The following MYOT variants were observed in gnomAD, a reference collection of about 807,000 sequenced individuals.
The protein encoded by MYOT is myotilin.
A neutral mutation model predicts 58.0 loss-of-function variants in MYOT; 36 were observed. The ratio of observed to expected loss-of-function variants is 0.62; its 90% CI spans 0.48 to 0.82. MYOT has a LOEUF of 0.82. Among genes scored for constraint, MYOT ranks in the 40% least tolerant of loss-of-function variants. The pLI is 0.00. For synonymous variants in MYOT, 218 were observed against 204.6 expected, an observed-to-expected ratio of 1.07 and a Z score of -0.56; for missense variants, 505 against 592.1, an observed-to-expected ratio of 0.85 and a Z score of 1.53.
intron 4 of MYOT, 166 bp from the exon 5 acceptor site, chr5:137,880,650 T>TACTTTAAGGTACATACTTAAAGG (rs1169023629): frequency 3.3e-6 from 2 of 607,792 alleles, no homozygotes; most frequent in Non-Finnish European, 3.0e-6. Context: ...TGGTAGTATG[T>TACTTTAAGGTACATACTTAAAGG]TAGTGCACTG....
chr5:137,869,672 AG>A (rs1754978756), intron 1 of MYOT, among the ~76,000 whole-genome samples: 1 of 152,184 alleles, frequency 6.6e-6, no homozygotes, highest in African/African-American at 2.4e-5. Context: ...GGCAAAAAAA[AG>A]AAAAAAAAGA....
rs1755501629 is a variant in MYOT at position 137,883,442 on chromosome 5, C to G, written c.875C>G (p.Ser292Ter). The G allele has an allele frequency of 1.9e-6, 3 of 1,614,046 alleles. No individual in the cohort carries two copies. Among genetic ancestry groups the G allele is most frequent in the Admixed American group, 3.3e-5 (2 of 60,004 alleles). ...TATCTAAATGGAAGAACAGTTCAAT[C>G]AGATGATTTGCACAAAATGATAGTG... ...SWYLNGRTVQ[S>*]DDLHKMIVSE... The change falls in exon 7 of 10, where the codon TCA (serine) becomes TGA (stop). Residue 292 changes from serine to a stop codon, truncating the protein, a stop_gained. Transcript: ENST00000239926. LOFTEE classifies it high-confidence loss of function.
chr5:137,876,747 T>A (rs1353247084), intron 3 of MYOT, among the ~76,000 whole-genome samples: 1 of 152,150 alleles, frequency 6.6e-6, no homozygotes, highest in Non-Finnish European at 1.5e-5. Flanking sequence ...TAGGTCGCCA[T>A]GAGCCAAGAT....
At position 137,871,339 on chromosome 5, in the gene MYOT, C is replaced by T. The variant is rs117552195; in HGVS notation, c.356+332C>T. 2.2e-4 allele frequency among the ~76,000 whole-genome samples: 34 copies of T among 152,302 alleles called. No individual in the cohort carries two copies. The East Asian group carries it at 6.6e-3, about 29-fold the overall frequency. ...ACTTTTCCTTTAGTTCTAAGCTAAG[C>T]TCCTCATGCTGTAAATTTAATTCCT... On this transcript the variant is annotated intron_variant, in intron 2 of 9. Transcript: ENST00000239926.
chr5:137,886,376 C>T (rs780227094), intron 8 of MYOT, among the ~76,000 whole-genome samples, 163 bp downstream of exon 8: 5 of 151,874 alleles, frequency 3.3e-5, no homozygotes, highest in Non-Finnish European at 7.4e-5. Context: ...TGTAAGAAAA[C>T]TTCAGTAAGC....
intron 1 of MYOT, 26 bp downstream of exon 1, chr5:137,867,979 C>T (rs1164223433): frequency 6.6e-6 from 1 of 152,208 alleles, no homozygotes; most frequent in African/African-American, 2.4e-5. Flanking sequence ...ATTCCTACTA[C>T]ACTTTTAGGT....
Position 137,870,750 on chromosome 5 carries a change from C to T in MYOT, c.99C>T (p.Ser33=), listed in dbSNP as rs1312122757. The change falls in exon 2 of 10, where the codon AGC becomes AGT. Residue 33 remains serine (S), a synonymous_variant. Coordinates refer to ENST00000239926, the MANE Select transcript of MYOT (RefSeq NM_006790.3). ...GACCAGAAACCTCCAGCTTCTCTAG[C>T]CAGACCAAACAGTCTTCCATTATCA... is the stretch of plus-strand genomic sequence containing the variant. ...PPGPETSSFS[S]QTKQSSIIIQ... is the part of the protein sequence containing the mutation. 2 of 1,614,240 alleles carry T rather than the reference C, an allele frequency of 1.2e-6. No individual in the cohort carries two copies. Among genetic ancestry groups the T allele is most frequent in the Non-Finnish European group, 1.7e-6 (2 of 1,180,048 alleles).
chr5:137,887,286 T>G lies in MYOT; in HGVS notation c.1398T>G (p.Leu466=), dbSNP rs150033934. 101 of 1,613,924 alleles carry G rather than the reference T, an allele frequency of 6.3e-5. No homozygotes were observed. Among genetic ancestry groups the G allele is most frequent in the Non-Finnish European group, 8.1e-5 (96 of 1,179,978 alleles). The change falls in exon 10 of 10, where the codon CTT becomes CTG. Residue 466 remains leucine, a synonymous_variant. Transcript: ENST00000239926. ...CAACATTCAGCAAATATTTAGCACTTAATGGGAAAGGTTTGAATGTAAAAC... is the reference window on the plus strand; with the variant it reads ...CAACATTCAGCAAATATTTAGCACTGAATGGGAAAGGTTTGAATGTAAAAC... ...VRPTFSKYLA[L]NGKGLNVKQA...
At chr5:137,878,587 G>A (rs905830451) in intron 4 of MYOT, among the ~76,000 whole-genome samples, 1 of 152,178 alleles carries the variant, frequency 6.6e-6, no homozygotes, top group Non-Finnish European at 1.5e-5. Context: ...CACTTTGGGA[G>A]GCCGAGGTGG....
At position 137,884,476 on chromosome 5, in the gene MYOT, T is replaced by C. The variant is rs1245942407; in HGVS notation, c.1024+885T>C. Among the ~76,000 whole-genome samples, 11 of 152,360 alleles carry C rather than the reference T, an allele frequency of 7.2e-5. No individual in the cohort carries two copies. The South Asian group carries it at 2.1e-3, about 29-fold the overall frequency. ...GCCTACTTGCTTTAGAAAACAGGTA[T>C]GGCTACATTTATGTCTCAAATCTGT... On this transcript the variant is annotated intron_variant, in intron 7 of 9. Transcript: ENST00000239926.
Position 137,887,385 on chromosome 5 carries a change from A to G in MYOT, c.1497A>G (p.Ter499=). The G allele has an allele frequency of 1.2e-6, 2 of 1,613,928 alleles. No homozygotes were observed. The highest frequency in any genetic ancestry group is 4.5e-5 in the East Asian group (2 of 44,860). ...GACTCTATGAAAGTGAAGAACTTTA[A>G]TAACTTTACCAACATTGGAAAACAG... ...QSGLYESEEL[*] is the part of the protein sequence containing the mutation. The change falls in exon 10 of 10, where the codon TAA becomes TAG. Residue 499 remains the stop codon, a stop_retained_variant. Coordinates refer to ENST00000239926, the MANE Select transcript of MYOT (RefSeq NM_006790.3).
chr5:137,884,790 T>C (rs939092411), intron 7 of MYOT, among the ~76,000 whole-genome samples: 17 of 152,218 alleles, frequency 1.1e-4, no homozygotes, highest in African/African-American at 3.9e-4. Flanking sequence ...CCATACCATA[T>C]TTTTAATACT....
intron 4 of MYOT, among the ~76,000 whole-genome samples, chr5:137,880,134 A>G (rs768106330): frequency 9.9e-5 from 15 of 152,204 alleles, no homozygotes; most frequent in Admixed American, 2.6e-4. Flanking sequence ...CAAAATACAC[A>G]CTACTTAATC....
At chr5:137,885,836 C>G (rs1000581526) in intron 7 of MYOT, among the ~76,000 whole-genome samples, 7 of 136,680 alleles carry the variant, frequency 5.1e-5, no homozygotes, top group Admixed American at 4.6e-4. Flanking sequence ...ATATAATTAT[C>G]TGATTATCAA....
chr5:137,872,130 A>T (rs897965590), intron 2 of MYOT, among the ~76,000 whole-genome samples: 11 of 152,224 alleles, frequency 7.2e-5, no homozygotes, highest in African/African-American at 2.4e-4. Flanking sequence ...AATCCTATAG[A>T]TATTAAGTTG....
At chr5:137,872,118 A>G (rs1755070054) in intron 2 of MYOT, among the ~76,000 whole-genome samples, 1 of 152,240 alleles carries the variant, frequency 6.6e-6, no homozygotes, top group Admixed American at 6.5e-5. Flanking sequence ...AACATTTGTT[A>G]GAATCCTATA....
At chr5:137,875,210 G>A (rs1365031140) in intron 2 of MYOT, among the ~76,000 whole-genome samples, 2 of 152,174 alleles carry the variant, frequency 1.3e-5, no homozygotes, top group African/African-American at 2.4e-5. Flanking sequence ...GATGCAGCTT[G>A]AGGCCACTAT....
At chr5:137,877,840 C>T (rs1309135149) in intron 4 of MYOT, among the ~76,000 whole-genome samples, 1 of 152,136 alleles carries the variant, frequency 6.6e-6, no homozygotes, top group Non-Finnish European at 1.5e-5. Flanking sequence ...GTCACAAAAT[C>T]AAAACACAAG....
At chr5:137,869,186 A>T (rs1224243242) in intron 1 of MYOT, among the ~76,000 whole-genome samples, 1 of 152,218 alleles carries the variant, frequency 6.6e-6, no homozygotes, top group Non-Finnish European at 1.5e-5. Flanking sequence ...CAATGATGAC[A>T]AACAATTTGG....
Sources: gnomAD v4.1 joint callset for allele counts (sites outside exome capture counted in the v4.1 genomes callset) on GRCh38, gnomAD v4.1.1 for gene constraint, MANE v1.5 for transcripts, NCBI Gene and HGNC (gene_info 2026-07-23, HGNC 2026-07-21) for gene names.